The following CHD4 variants were observed in gnomAD, a reference collection of about 807,000 sequenced individuals.
CHD4 encodes chromodomain helicase DNA binding protein 4, also known as ATP-dependent chromatin remodeler CHD4.
A neutral mutation model predicts 235.5 loss-of-function variants in CHD4; 35 were observed. The observed-to-expected ratio is 0.15, with a 90% CI of 0.11 to 0.20. The LOEUF is 0.20. CHD4 is among the 10% of genes least tolerant of loss of function. CHD4 has a pLI of 1.00. For synonymous variants in CHD4, 900 were observed against 850.2 expected, an observed-to-expected ratio of 1.06 and a Z score of -1.02; for missense variants, 1,329 against 2,432.3, an observed-to-expected ratio of 0.55 and a Z score of 9.54.
intron 8 of CHD4, 61 bp downstream of exon 8, chr12:6,600,473 G>T (rs1948569811): frequency 6.2e-7 from 1 of 1,607,676 alleles, no homozygotes; most frequent in Admixed American, 1.7e-5. Flanking sequence ...TCTCCTTAGG[G>T]AGATTCTTCC....
At chr12:6,577,417 C>CAAA (rs60910415) in intron 37 of CHD4, among the ~76,000 whole-genome samples, 78 of 86,806 alleles carry the variant, frequency 9.0e-4, no homozygotes, top group East Asian at 4.3e-3. Context: ...GATTCTGCCT[C>CAAA]AAAAAAAAAA....
rs747774721 is a variant in CHD4 at position 6,594,479 on chromosome 12, G to C, written c.2293C>G (p.Leu765Val). Reference protein sequence around the residue: ...LGKTVQTAVFLYSLYKEGHSK... With the variant: ...LGKTVQTAVFVYSLYKEGHSK... ...CTTACCTCCTTGTAAAGGGAATACA[G>C]GAAGACTGCTGTCTGTACAGTTTTC... The change falls in exon 15 of 40, where the codon CTG (leucine) becomes GTG (valine). Residue 765 changes from leucine to valine, a missense_variant. By Grantham distance (32) the Leu-to-Val change is conservative (BLOSUM62 1). Around this residue, in one of 26 missense-constraint regions of CHD4, gnomAD observed 78 missense variants for 174.8 expected, o/e 0.45. Coordinates refer to ENST00000544040, the MANE Select transcript of CHD4 (RefSeq NM_001273.5). 1.9e-6 allele frequency: 3 copies of C among 1,611,464 alleles called. No homozygotes were observed. Among genetic ancestry groups the C allele is most frequent in the East Asian group, 4.5e-5 (2 of 44,846 alleles).
At position 6,597,961 on chromosome 12, in the gene CHD4, C is replaced by G. The variant is rs1449182984; in HGVS notation, c.1825G>C (p.Glu609Gln). The change falls in exon 12 of 40, where the codon GAG becomes CAG. Residue 609 changes from glutamate to glutamine, a missense_variant. Around this residue, in one of 26 missense-constraint regions of CHD4, gnomAD observed 121 missense variants for 177.8 expected, o/e 0.68. Coordinates refer to ENST00000544040, the MANE Select transcript of CHD4 (RefSeq NM_001273.5). ...ATCCCATAGCGATAGAAGCGTTCCT[C>G]CATCTCTGCAAATTTAGGGTCCTTG... Reference protein sequence around the residue: ...KNKDPKFAEMEERFYRYGIKP... With the variant: ...KNKDPKFAEMQERFYRYGIKP... The G allele has an allele frequency of 6.2e-7, 1 of 1,614,088 alleles. No homozygotes were observed. The highest frequency in any genetic ancestry group is 2.2e-5 in the East Asian group (1 of 44,898).
chr12:6,593,898 C>G lies in CHD4; in HGVS notation c.2314-282G>C, dbSNP rs1275013579. ...TTGCCCAGGCTGGAGTGCAATGGCG[C>G]AATCTCAGCTCACTGCAACCTCCAC... On this transcript the variant is annotated intron_variant, in intron 15 of 39. Transcript: ENST00000544040. This position sits in a 1 kb window ranked among gnomAD's most constrained non-coding sequence, Gnocchi z 4.9. 6.6e-6 allele frequency among the ~76,000 whole-genome samples: 1 copy of G among 152,140 alleles called. No individual in the cohort carries two copies. The highest frequency in any genetic ancestry group is 6.5e-5 in the Admixed American group (1 of 15,270).
At position 6,602,433 on chromosome 12, in the gene CHD4, T is replaced by C; in HGVS notation, c.165A>G (p.Lys55=). 6.2e-7 allele frequency: 1 copy of C among 1,614,172 alleles called. No homozygotes were observed. The highest frequency in any genetic ancestry group is 8.5e-7 in the Non-Finnish European group (1 of 1,180,038). ...TAGGGTCCCGAGGTTTCTTAGGCTT[T>C]TTCTTCTTCTTGAGCTTTGGAGTCT... The part of the protein sequence containing the change: ...ETETPKLKKK[K]KPKKPRDPKI... The change falls in exon 3 of 40, where the codon AAA becomes AAG. Residue 55 remains lysine, a synonymous_variant. Coordinates refer to ENST00000544040, the MANE Select transcript of CHD4 (RefSeq NM_001273.5).
chr12:6,589,147 AG>A (rs1173593965), intron 22 of CHD4, among the ~76,000 whole-genome samples: 1 of 152,190 alleles, frequency 6.6e-6, no homozygotes, highest in East Asian at 1.9e-4. Flanking sequence ...CGGGAGGCTG[AG>A]GCAAGAGAAT....
intron 25 of CHD4, among the ~76,000 whole-genome samples, chr12:6,586,424 A>C (rs1209660805): frequency 6.6e-6 from 1 of 151,650 alleles, no homozygotes; most frequent in Non-Finnish European, 1.5e-5. Context: ...AAATACATAC[A>C]TACATACATA....
chr12:6,589,714 C>A (rs1379200160), intron 22 of CHD4, among the ~76,000 whole-genome samples: 2 of 151,160 alleles, frequency 1.3e-5, no homozygotes, highest in East Asian at 1.9e-4. Context: ...TTGCAGTCAG[C>A]CAAAATCAGG....
intron 2 of CHD4, among the ~76,000 whole-genome samples, chr12:6,604,925 GC>G (rs1215584261): frequency 1.3e-5 from 2 of 152,078 alleles, no homozygotes; most frequent in East Asian, 1.9e-4. Context: ...TGTTTCTCAT[GC>G]CCCTCTCAGA....
intron 7 of CHD4, 24 bp from the exon 8 acceptor site, chr12:6,600,693 G>C (rs201711195): frequency 6.2e-7 from 1 of 1,613,074 alleles, no homozygotes; most frequent in East Asian, 2.2e-5. Flanking sequence ...AAAGAATAAG[G>C]TTAGACGTTC....
At chr12:6,592,107 A>G (rs1172373713) in intron 19 of CHD4, 50 bp from the exon 20 acceptor site, 2 of 1,607,136 alleles carry the variant, frequency 1.2e-6, no homozygotes, top group South Asian at 2.2e-5. Context: ...CCTTTCAATG[A>G]CTAATAATGC....
At chr12:6,598,149 T>A in intron 11 of CHD4, 50 bp from the exon 12 acceptor site, 1 of 1,612,288 alleles carries the variant, frequency 6.2e-7, no homozygotes, top group Non-Finnish European at 8.5e-7. Flanking sequence ...GTTCATTCCT[T>A]CTATCCACAA....
intron 37 of CHD4, among the ~76,000 whole-genome samples, chr12:6,575,524 A>T (rs1948055730): frequency 6.6e-6 from 1 of 151,654 alleles, no homozygotes; most frequent in Non-Finnish European, 1.5e-5. Flanking sequence ...GCTGACCCCT[A>T]CAGTAAGTCA....
Position 6,582,532 on chromosome 12 carries a change from C to T in CHD4, c.4370+83G>A, listed in dbSNP as rs200114730. On this transcript the variant is annotated intron_variant, in intron 29 of 39. Transcript: ENST00000544040. ...AGAGAAAATAGCCCACTTCCCTGCA[C>T]GGCTAGGCCTAGAACCATGGAATGA... The T allele has an allele frequency of 3.3e-3, 5,033 of 1,517,218 alleles. 18 individuals carry two copies. Among genetic ancestry groups the T allele is most frequent in the Non-Finnish European group, 3.5e-3 (3,965 of 1,132,088 alleles). The allele number at this position is 1,517,218 out of a possible 1,614,324, so 94.0% of individuals were successfully genotyped here.
intron 21 of CHD4, 26 bp downstream of exon 21, chr12:6,591,668 C>T (rs1565611376): frequency 6.2e-7 from 1 of 1,614,032 alleles, no homozygotes; most frequent in Non-Finnish European, 8.5e-7. Context: ...ATGACTGTTC[C>T]CTAAAGCTCC....
At chr12:6,588,256 A>G (rs761571811) in intron 23 of CHD4, 42 bp downstream of exon 23, 3 of 1,603,334 alleles carry the variant, frequency 1.9e-6, no homozygotes, top group Non-Finnish European at 1.7e-6. Flanking sequence ...CCTTTCTAGC[A>G]TAACATGTTA....
intron 25 of CHD4, 183 bp downstream of exon 25, chr12:6,587,201 C>A: frequency 1.6e-6 from 1 of 612,342 alleles, no homozygotes; most frequent in South Asian, 2.4e-5. Flanking sequence ...TTCTGACAAC[C>A]AAGGCAAAGA....
chr12:6,597,278 CAAT>C (rs1948516134), intron 12 of CHD4, among the ~76,000 whole-genome samples: 3 of 150,416 alleles, frequency 2.0e-5, no homozygotes, highest in East Asian at 2.0e-4. Flanking sequence ...CAAAAAAAAA[CAAT>C]AATAATAAAA....
intron 31 of CHD4, 40 bp downstream of exon 31, chr12:6,581,609 A>G: frequency 6.2e-7 from 1 of 1,614,022 alleles, no homozygotes; most frequent in Non-Finnish European, 8.5e-7. Flanking sequence ...GGCCAGGACA[A>G]AAAGAGAGGG....
Sources: allele counts gnomAD v4.1 joint callset (sites outside exome capture counted in the v4.1 genomes callset), GRCh38; gene constraint gnomAD v4.1.1; regional missense constraint gnomAD v4.1.1; non-coding constraint Gnocchi (gnomAD v3.1); transcripts MANE v1.5; gene names NCBI Gene and HGNC (gene_info 2026-07-23, HGNC 2026-07-21).